The following ARB2A variants were observed in gnomAD, a reference collection of about 807,000 sequenced individuals.
ARB2A encodes ARB2 cotranscriptional regulator A, also known as cotranscriptional regulator ARB2A.
At chr5:93,947,961 C>T in the ARB2A span, among the ~76,000 whole-genome samples, 11 of 151,816 alleles carry the variant, frequency 7.2e-5, no homozygotes, top group Non-Finnish European at 1.5e-4. Context: ...TGAATAGTGC[C>T]GCAATAAACA....
At chr5:93,886,789 T>G in the ARB2A span, among the ~76,000 whole-genome samples, 1 of 151,760 alleles carries the variant, frequency 6.6e-6, no homozygotes, top group Non-Finnish European at 1.5e-5. Context: ...GTTTTGTGTT[T>G]CTTCTCAATG....
chr5:93,969,956 C>A, the ARB2A span, among the ~76,000 whole-genome samples: 9 of 151,842 alleles, frequency 5.9e-5, no homozygotes, highest in Admixed American at 3.9e-4. Context: ...ATGTAATACA[C>A]GATAATATAT....
At chr5:94,058,393 G>A in the ARB2A span, among the ~76,000 whole-genome samples, 1 of 151,484 alleles carries the variant, frequency 6.6e-6, no homozygotes, top group African/African-American at 2.4e-5. Context: ...CCATAAACAT[G>A]AAGAAAATCA....
chr5:93,965,972 T>A, the ARB2A span, among the ~76,000 whole-genome samples: 1 of 152,066 alleles, frequency 6.6e-6, no homozygotes, highest in African/African-American at 2.4e-5. Context: ...ACATTAGAAC[T>A]AGGTAATAAA....
chr5:94,080,559 A>C, the ARB2A span, among the ~76,000 whole-genome samples: 1 of 152,160 alleles, frequency 6.6e-6, no homozygotes. Flanking sequence ...TGCAGTTAGC[A>C]AACAGACTCC....
chr5:93,881,989 CT>C, the ARB2A span, among the ~76,000 whole-genome samples: 1 of 151,206 alleles, frequency 6.6e-6, no homozygotes, highest in Middle Eastern at 3.5e-3. Flanking sequence ...CCAAAAATGA[CT>C]GAAATAAATT....
the ARB2A span, among the ~76,000 whole-genome samples, chr5:93,879,611 G>A: frequency 1.5e-3 from 227 of 151,654 alleles, no homozygotes; most frequent in African/African-American, 4.3e-3. Flanking sequence ...AAATAGATGA[G>A]AGGAAAAACA....
the ARB2A span, among the ~76,000 whole-genome samples, chr5:93,823,763 T>C: frequency 6.6e-6 from 1 of 152,024 alleles, no homozygotes; most frequent in East Asian, 1.9e-4. Flanking sequence ...GAGAACATCC[T>C]GGCCAACATG....
the ARB2A span, among the ~76,000 whole-genome samples, chr5:93,714,847 T>C: frequency 6.6e-6 from 1 of 152,316 alleles, no homozygotes; most frequent in African/African-American, 2.4e-5. Flanking sequence ...ATAAGTACAT[T>C]ATTCAATCTT....
chr5:93,859,071 GAAC>G, the ARB2A span, among the ~76,000 whole-genome samples: 12 of 151,922 alleles, frequency 7.9e-5, no homozygotes, highest in Admixed American at 3.3e-4. Context: ...GAAAGGAATA[GAAC>G]AAAACCCAGG....
chr5:93,851,892 T>A, the ARB2A span, among the ~76,000 whole-genome samples: 2 of 152,210 alleles, frequency 1.3e-5, no homozygotes, highest in Non-Finnish European at 2.9e-5. Context: ...TTTGCTATTG[T>A]GAATAGTGCC....
chr5:93,730,321 A>G, the ARB2A span, among the ~76,000 whole-genome samples: 1 of 152,052 alleles, frequency 6.6e-6, no homozygotes, highest in Non-Finnish European at 1.5e-5. Flanking sequence ...TTGGCTTTTC[A>G]GGGGAGTAAA....
the ARB2A span, among the ~76,000 whole-genome samples, chr5:94,018,716 G>A: frequency 6.6e-6 from 1 of 151,918 alleles, no homozygotes; most frequent in South Asian, 2.1e-4. Context: ...TCTCTTTGTA[G>A]CAACTGTGAA....
At chr5:93,947,893 C>T in the ARB2A span, among the ~76,000 whole-genome samples, 1 of 151,956 alleles carries the variant, frequency 6.6e-6, no homozygotes, top group African/African-American at 2.4e-5. Context: ...ATATGTGCCA[C>T]ATTTTCTTAA....
chr5:94,060,638 T>G, the ARB2A span, among the ~76,000 whole-genome samples: 1 of 151,948 alleles, frequency 6.6e-6, no homozygotes, highest in African/African-American at 2.4e-5. Flanking sequence ...AAAACAGAGG[T>G]AAATATTTCC....
At chr5:94,102,315 C>A in the ARB2A span, among the ~76,000 whole-genome samples, 2 of 151,970 alleles carry the variant, frequency 1.3e-5, no homozygotes, top group South Asian at 4.1e-4. Context: ...ATGAAATAGT[C>A]ATTTTAAGAA....
At chr5:93,818,020 G>T in the ARB2A span, among the ~76,000 whole-genome samples, 2 of 151,380 alleles carry the variant, frequency 1.3e-5, no homozygotes, top group Admixed American at 1.3e-4. Context: ...AATTAAAATT[G>T]AGCAAAGGAT....
At chr5:93,801,289 T>C in the ARB2A span, among the ~76,000 whole-genome samples, 1 of 152,126 alleles carries the variant, frequency 6.6e-6, no homozygotes, top group Non-Finnish European at 1.5e-5. Context: ...TGAGAACCAA[T>C]AGCTCCAACC....
chr5:93,855,796 A>C, the ARB2A span, among the ~76,000 whole-genome samples: 1 of 152,138 alleles, frequency 6.6e-6, no homozygotes, highest in Non-Finnish European at 1.5e-5. Context: ...AAGGACATGC[A>C]CACCAAGAAC....
Sources: gnomAD v4.1 joint callset for allele counts (sites outside exome capture counted in the v4.1 genomes callset) on GRCh38, gnomAD v4.1.1 for gene constraint, MANE v1.5 for transcripts, NCBI Gene and HGNC (gene_info 2026-07-23, HGNC 2026-07-21) for gene names.